SLC45A2: variants seen among roughly 807,000 people sequenced by gnomAD.
The protein encoded by SLC45A2 is solute carrier family 45 member 2, also known as membrane-associated transporter protein.
SLC45A2 carries 36 observed loss-of-function variants against 45.5 expected under a neutral mutation model. The observed-to-expected ratio is 0.79, with a 90% CI of 0.61 to 1.04. The LOEUF (loss-of-function observed/expected upper bound fraction) is 1.04, where lower values mean the gene tolerates loss of function less well. SLC45A2 is among the 50% of genes least tolerant of loss of function. The pLI is 0.00. For missense variants in SLC45A2, 719 were observed against 671.0 expected (o/e 1.07, Z -0.79); for synonymous variants, 306 against 269.3 (o/e 1.14, Z -1.33).
chr5:33,951,653 T>C lies in SLC45A2; in HGVS notation c.1057A>G (p.Ser353Gly). The C allele has an allele frequency of 6.2e-7, 1 of 1,614,196 alleles. No homozygotes were observed. Among genetic ancestry groups the C allele is most frequent in the Non-Finnish European group, 8.5e-7 (1 of 1,180,032 alleles). Residue 353 changes from serine to glycine, a missense_variant, in exon 5 of 7, where the codon AGT (serine) becomes GGT (glycine). Ser to Gly is a moderately conservative substitution (Grantham distance 56). Transcript: ENST00000296589. ...GQIVYRGDPY[S>G]AHNSTEFLIY... ...AGAAACTCTGTGGAGTTGTGTGCACTATAGGGATCCCCGCGGTACACAATC... is the reference window on the plus strand; with the variant it reads ...AGAAACTCTGTGGAGTTGTGTGCACCATAGGGATCCCCGCGGTACACAATC...
At chr5:33,982,141 C>CA (rs1419642572) in intron 2 of SLC45A2, 95 bp downstream of exon 2, 2 of 1,450,248 alleles carry the variant, frequency 1.4e-6, no homozygotes, top group African/African-American at 1.4e-5. Flanking sequence ...CCCGTTCATT[C>CA]AAAAAACTCC....
intron 3 of SLC45A2, among the ~76,000 whole-genome samples, chr5:33,960,753 T>TA (rs1467435244): frequency 6.6e-6 from 1 of 152,140 alleles, no homozygotes; most frequent in Non-Finnish European, 1.5e-5. Context: ...CCCAATAGCC[T>TA]ATGGAAATAC....
At chr5:33,951,828 C>T in intron 4 of SLC45A2, 151 bp from the exon 5 acceptor site, 1 of 854,490 alleles carries the variant, frequency 1.2e-6, no homozygotes, top group African/African-American at 1.7e-5. Flanking sequence ...GACCAAGTCG[C>T]ATCCTATCAC....
intron 6 of SLC45A2, 135 bp downstream of exon 6, chr5:33,947,028 T>G (rs921822401): frequency 1.2e-6 from 2 of 1,601,012 alleles, no homozygotes; most frequent in Admixed American, 3.3e-5. Flanking sequence ...ATGGTTGCAG[T>G]TGGTTGGGCA....
chr5:33,982,185 T>C, intron 2 of SLC45A2, 51 bp downstream of exon 2: 1 of 1,601,232 alleles, frequency 6.2e-7, no homozygotes, highest in Non-Finnish European at 8.6e-7. Flanking sequence ...TTAGTGGAAG[T>C]GCCTCATTGT....
At chr5:33,960,686 A>C (rs1373491891) in intron 3 of SLC45A2, among the ~76,000 whole-genome samples, 2 of 152,116 alleles carry the variant, frequency 1.3e-5, no homozygotes, top group Non-Finnish European at 2.9e-5. Flanking sequence ...TGGGTGCACC[A>C]AAGTCTCACA....
intron 6 of SLC45A2, chr5:33,946,444 G>A: frequency 2.0e-6 from 2 of 985,640 alleles, no homozygotes; most frequent in Non-Finnish European, 2.4e-6. Flanking sequence ...CTCCAGTTAA[G>A]GAACTATAAG....
Position 33,982,224 on chromosome 5 carries a change from A to G in SLC45A2, c.562+12T>C. On this transcript the variant is annotated intron_variant, in intron 2 of 6. Transcript: ENST00000296589. Reference sequence around the variant, plus strand: ...GGGAGCTGAAGGAGAGACTTTCTGGAATATTCCCTACCTGTGAAGAGGGCA... The same window carrying G: ...GGGAGCTGAAGGAGAGACTTTCTGGGATATTCCCTACCTGTGAAGAGGGCA... The G allele has an allele frequency of 6.2e-7, 1 of 1,613,870 alleles. No individual in the cohort carries two copies. Among genetic ancestry groups the G allele is most frequent in the South Asian group, 1.1e-5 (1 of 91,064 alleles).
chr5:33,969,681 A>G lies in SLC45A2; in HGVS notation c.563-5665T>C, dbSNP rs539883167. ...TCCCAGGCTAGACAGAGCATTCATG[A>G]TGGGTGCACACATATTGGTAAATCC... On this transcript the variant is annotated intron_variant, in intron 2 of 6. Coordinates refer to ENST00000296589, the MANE Select transcript of SLC45A2 (RefSeq NM_016180.5). 3.3e-5 allele frequency among the ~76,000 whole-genome samples: 5 copies of G among 152,274 alleles called. No individual in the cohort carries two copies. In the South Asian group the frequency reaches 1.0e-3, roughly 32 times the overall value.
intron 2 of SLC45A2, chr5:33,971,439 C>CT (rs979073545): frequency 5.3e-4 from 224 of 424,004 alleles, no homozygotes; most frequent in East Asian, 5.9e-4. Flanking sequence ...AACTTTTTTC[C>CT]TTTTTTTTTG....
intron 3 of SLC45A2, among the ~76,000 whole-genome samples, chr5:33,959,809 T>G (rs1188848977): frequency 6.6e-6 from 1 of 152,168 alleles, no homozygotes; most frequent in African/African-American, 2.4e-5. Context: ...CGAAGTTTAC[T>G]TTTGCATTTA....
intron 2 of SLC45A2, among the ~76,000 whole-genome samples, chr5:33,967,321 C>T (rs1434972533): frequency 6.6e-6 from 1 of 152,178 alleles, no homozygotes; most frequent in Non-Finnish European, 1.5e-5. Context: ...GTAAAAATTG[C>T]AACTGCTTGA....
chr5:33,972,620 C>T (rs894295495), intron 2 of SLC45A2: 36 of 155,702 alleles, frequency 2.3e-4, no homozygotes, highest in Non-Finnish European at 4.3e-4. Flanking sequence ...GAACTATAAA[C>T]CTGTGTAATT....
At chr5:33,969,441 T>C (rs1752718059) in intron 2 of SLC45A2, among the ~76,000 whole-genome samples, 3 of 152,174 alleles carry the variant, frequency 2.0e-5, no homozygotes, top group South Asian at 2.1e-4. Context: ...ACTGTTTCCA[T>C]CCACCTACCT....
chr5:33,944,804 G>A lies in SLC45A2; in HGVS notation c.1437C>T (p.Leu479=), dbSNP rs1322295230. 6.2e-7 allele frequency: 1 copy of A among 1,614,228 alleles called. No homozygotes were observed. Among genetic ancestry groups the A allele is most frequent in the Non-Finnish European group, 8.5e-7 (1 of 1,180,032 alleles). ...TCTGAGCCAGCTGCACCATGCATGT[G>A]AGGGTGGCGCAGTCCATGCCCTTCC... ...VRGKGMDCAT[L]TCMVQLAQIL... The change falls in exon 7 of 7, where the codon CTC becomes CTT. Residue 479 remains leucine, a synonymous_variant. Coordinates refer to ENST00000296589, the MANE Select transcript of SLC45A2 (RefSeq NM_016180.5).
intron 2 of SLC45A2, among the ~76,000 whole-genome samples, chr5:33,977,146 G>T (rs1354372990): frequency 6.6e-6 from 1 of 152,190 alleles, no homozygotes; most frequent in Non-Finnish European, 1.5e-5. Context: ...GCCACATGAG[G>T]ACACAGCAAG....
At chr5:33,967,040 C>G (rs35412) in intron 2 of SLC45A2, among the ~76,000 whole-genome samples, 121,333 of 152,176 alleles carry the variant, frequency 0.8, 51,762 homozygotes, top group Non-Finnish European at 0.97. Context: ...CCAGCACATA[C>G]CATGGCAGAA....
Position 33,984,587 on chromosome 5 carries a change from C to T in SLC45A2, c.-4G>A. ...CCTGCCCACTGTTGCTACCCATGGC[C>T]ACTGGGAGAGGAACCTTCCTGCGAG... is the stretch of plus-strand genomic sequence containing the variant. On this transcript the variant is annotated 5_prime_UTR_variant, in exon 1 of 7. Transcript: ENST00000296589. 6.2e-7 allele frequency: 1 copy of T among 1,609,042 alleles called. No individual in the cohort carries two copies. Among genetic ancestry groups the T allele is most frequent in the South Asian group, 1.1e-5 (1 of 91,068 alleles).
Position 33,950,450 on chromosome 5 carries a change from GT to G in SLC45A2, c.1156+1103del, listed in dbSNP as rs1322933127. 7.9e-5 allele frequency among the ~76,000 whole-genome samples: 12 copies of G among 152,308 alleles called. No individual in the cohort carries two copies. In the East Asian group the frequency reaches 2.3e-3, roughly 29 times the overall value. Reference sequence around the variant, plus strand: ...TATCATAAATTTTAAAATAATGAATGTTGTTGTTACGTGATTATTGGGCTCA... The same window carrying G: ...TATCATAAATTTTAAAATAATGAATGTGTTGTTACGTGATTATTGGGCTCA... On this transcript the variant is annotated intron_variant, in intron 5 of 6. Transcript: ENST00000296589.
Sources: gnomAD v4.1 joint callset for allele counts (sites outside exome capture counted in the v4.1 genomes callset) on GRCh38, gnomAD v4.1.1 for gene constraint, MANE v1.5 for transcripts, NCBI Gene and HGNC (gene_info 2026-07-23, HGNC 2026-07-21) for gene names.